ZMIZ2: variants seen among roughly 807,000 people sequenced by gnomAD.
The protein encoded by ZMIZ2 is zinc finger MIZ domain-containing protein 2.
ZMIZ2 carries 26 observed loss-of-function variants against 93.9 expected under a neutral mutation model. The observed-to-expected ratio is 0.28, with a 90% CI of 0.20 to 0.38. The LOEUF (loss-of-function observed/expected upper bound fraction) is 0.38, where lower values mean the gene tolerates loss of function less well. Among genes scored for constraint, ZMIZ2 ranks in the 10% least tolerant of loss-of-function variants. The pLI is 1.00. For missense variants in ZMIZ2, 1,023 were observed against 1,235.0 expected (o/e 0.83, Z 2.57); for synonymous variants, 485 against 516.4 (o/e 0.94, Z 0.82).
chr7:44,763,237 T>A lies in ZMIZ2; in HGVS notation c.1703-19T>A, dbSNP rs1218240483. On this transcript the variant is annotated intron_variant, in intron 12 of 18. Coordinates refer to ENST00000309315, the MANE Select transcript of ZMIZ2 (RefSeq NM_031449.4). This position sits in a 1 kb window ranked among gnomAD's most constrained non-coding sequence, Gnocchi z 5.6. Reference sequence around the variant, plus strand: ...TCTTGGGGACCCTTTACTCAAGTCCTTTACCTTGTTGATGTCAGTAAAGCG... The same window carrying A: ...TCTTGGGGACCCTTTACTCAAGTCCATTACCTTGTTGATGTCAGTAAAGCG... The A allele has an allele frequency of 1.2e-6, 2 of 1,612,968 alleles. No homozygotes were observed. Among genetic ancestry groups the A allele is most frequent in the Non-Finnish European group, 1.7e-6 (2 of 1,179,386 alleles).
Position 44,763,214 on chromosome 7 carries a change from T to G in ZMIZ2, c.1703-42T>G. ...GCATCCCCATTCACACCTCCCCATC[T>G]TGGGGACCCTTTACTCAAGTCCTTT... On this transcript the variant is annotated intron_variant, in intron 12 of 18. Transcript: ENST00000309315. This position sits in a 1 kb window ranked among gnomAD's most constrained non-coding sequence, Gnocchi z 5.6. 6.2e-7 allele frequency: 1 copy of G among 1,601,396 alleles called. No individual in the cohort carries two copies. Among genetic ancestry groups the G allele is most frequent in the Non-Finnish European group, 8.5e-7 (1 of 1,170,918 alleles).
At position 44,762,026 on chromosome 7, in the gene ZMIZ2, G is replaced by A. The variant is rs961616755; in HGVS notation, c.1596+121G>A. 13 of 1,283,322 alleles carry A rather than the reference G, an allele frequency of 1.0e-5. No individual in the cohort carries two copies. The African/African-American group carries it at 2.1e-4, about 20-fold the overall frequency. 79.5% of individuals were successfully genotyped at this position (1,283,322 alleles called of 1,614,324 possible). On this transcript the variant is annotated intron_variant, in intron 11 of 18. Coordinates refer to ENST00000309315, the MANE Select transcript of ZMIZ2 (RefSeq NM_031449.4). ...CGGGGCCTGGCCCAGCGGCGCAGTG[G>A]GAGCGGAGCCAGGACATGGGCGGGC...
intron 11 of ZMIZ2, 152 bp downstream of exon 11, chr7:44,762,057 T>C: frequency 9.7e-7 from 1 of 1,028,118 alleles, no homozygotes; most frequent in Non-Finnish European, 1.3e-6. Flanking sequence ...CGGGCCGGCC[T>C]GCAGCACCAT....
intron 18 of ZMIZ2, among the ~76,000 whole-genome samples, chr7:44,767,189 G>A (rs1392340477): frequency 6.6e-6 from 1 of 152,190 alleles, no homozygotes; most frequent in African/African-American, 2.4e-5. Flanking sequence ...GGGCATCACG[G>A]TGGGGATCCC....
At chr7:44,754,433 C>T (rs1790420587) in intron 1 of ZMIZ2, among the ~76,000 whole-genome samples, 1 of 152,150 alleles carries the variant, frequency 6.6e-6, no homozygotes, top group South Asian at 2.1e-4. Context: ...ACTGCCCTCT[C>T]CCTCTTCCCT....
intron 8 of ZMIZ2, 88 bp from the exon 9 acceptor site, chr7:44,760,337 T>C (rs556787273): frequency 3.3e-5 from 52 of 1,576,486 alleles, no homozygotes; most frequent in Non-Finnish European, 4.3e-5. Flanking sequence ...ACCTCTGTTA[T>C]CATGGTTCCC....
At position 44,768,142 on chromosome 7, in the gene ZMIZ2, C is replaced by T. The variant is rs1383862682; in HGVS notation, c.*519C>T. 1 of 162,980 alleles carries T rather than the reference C, an allele frequency of 6.1e-6. No homozygotes were observed. Among genetic ancestry groups the T allele is most frequent in the Non-Finnish European group, 1.3e-5 (1 of 74,752 alleles). The allele number at this position is 162,980 out of a possible 1,614,324, so 10.1% of individuals were successfully genotyped here. On this transcript the variant is annotated 3_prime_UTR_variant, in exon 19 of 19. Transcript: ENST00000309315. ...TTGGAACCTCGCTGAATGGCAGCCTCTTGGGGGCCTGGAGCTCTGGCAGCC... is the reference window on the plus strand; with the variant it reads ...TTGGAACCTCGCTGAATGGCAGCCTTTTGGGGGCCTGGAGCTCTGGCAGCC...
intron 7 of ZMIZ2, 198 bp downstream of exon 7, chr7:44,759,658 G>A (rs1447934255): frequency 1.5e-5 from 7 of 480,146 alleles, no homozygotes; most frequent in Non-Finnish European, 2.5e-5. Context: ...ACCAGTGCAG[G>A]AGCAGCTCCT....
chr7:44,761,404 C>T lies in ZMIZ2; in HGVS notation c.1241-45C>T, dbSNP rs1474394757. ...CCCTCCTTGAGTGACACAAGACGCT[C>T]TGGCTGGGGCAACCCAGCTCACAGC... On this transcript the variant is annotated intron_variant, in intron 9 of 18. Coordinates refer to ENST00000309315, the MANE Select transcript of ZMIZ2 (RefSeq NM_031449.4). The surrounding 1 kb of genome is among the most constrained non-coding windows in gnomAD (Gnocchi z 5.8). The T allele has an allele frequency of 1.3e-6, 2 of 1,599,360 alleles. No homozygotes were observed. Among genetic ancestry groups the T allele is most frequent in the Admixed American group, 1.7e-5 (1 of 59,256 alleles).
Position 44,768,990 on chromosome 7 carries a change from C to T in ZMIZ2, c.*1367C>T, listed in dbSNP as rs940570863. 11 of 152,670 alleles carry T rather than the reference C, an allele frequency of 7.2e-5. No individual in the cohort carries two copies. Among genetic ancestry groups the T allele is most frequent in the Admixed American group, 5.9e-4 (9 of 15,288 alleles). The allele number at this position is 152,670 out of a possible 1,614,324, so 9.5% of individuals were successfully genotyped here. ...GGAGAGACATTTGCCACTATGTCAC[C>T]TTATCTGGGCTTGCCCTGGGGCACT... On this transcript the variant is annotated 3_prime_UTR_variant, in exon 19 of 19. Coordinates refer to ENST00000309315, the MANE Select transcript of ZMIZ2 (RefSeq NM_031449.4).
At chr7:44,750,028 G>C (rs1171773438) in intron 1 of ZMIZ2, 4 of 152,152 alleles carry the variant, frequency 2.6e-5, no homozygotes, top group Non-Finnish European at 5.9e-5. Context: ...TTACAAGCTG[G>C]AAGTGTAAAT....
At chr7:44,760,292 G>T in intron 8 of ZMIZ2, 64 bp downstream of exon 8, 1 of 1,571,468 alleles carries the variant, frequency 6.4e-7, no homozygotes, top group South Asian at 1.2e-5. Flanking sequence ...GAGAGAGGGC[G>T]ACCGGGCAGG....
intron 1 of ZMIZ2, among the ~76,000 whole-genome samples, 192 bp downstream of exon 1, chr7:44,749,183 TCTGCCGCCCAC>T (rs1386421400): frequency 6.6e-6 from 1 of 152,032 alleles, no homozygotes; most frequent in East Asian, 1.9e-4. Context: ...GGCTAGAGGC[TCTGCCGCCCAC>T]CTGCCGGCAC....
At position 44,763,625 on chromosome 7, in the gene ZMIZ2, CTT is replaced by C; in HGVS notation, c.1860+217_1860+218del. On this transcript the variant is annotated intron_variant, in intron 13 of 18. Coordinates refer to ENST00000309315, the MANE Select transcript of ZMIZ2 (RefSeq NM_031449.4). The surrounding 1 kb of genome is among the most constrained non-coding windows in gnomAD (Gnocchi z 5.6). ...CCAAATATAATTGTCATTTTACTAACTTTTTTACTGCCTGCTTCATTCATGGG... is the reference window on the plus strand; with the variant it reads ...CCAAATATAATTGTCATTTTACTAACTTTTACTGCCTGCTTCATTCATGGG... 1 of 628,020 alleles carries C rather than the reference CTT, an allele frequency of 1.6e-6. No individual in the cohort carries two copies. Among genetic ancestry groups the C allele is most frequent in the Non-Finnish European group, 2.6e-6 (1 of 379,478 alleles). The allele number at this position is 628,020 out of a possible 1,614,324, so 38.9% of individuals were successfully genotyped here. A position where few individuals can be genotyped will look rare whatever the true frequency, so the allele number is the denominator to read the frequency against.
At chr7:44,756,685 T>C (rs570488081) in intron 3 of ZMIZ2, 146 bp downstream of exon 3, 1 of 873,996 alleles carries the variant, frequency 1.1e-6, no homozygotes, top group East Asian at 2.6e-5. Context: ...GGATGGGGCC[T>C]CCTGAGTCCC....
chr7:44,760,615 A>G, intron 9 of ZMIZ2, 22 bp downstream of exon 9: 3 of 1,612,820 alleles, frequency 1.9e-6, no homozygotes, highest in Non-Finnish European at 2.5e-6. Flanking sequence ...CACTCTTGGG[A>G]CAGCGGGGTG....
In ZMIZ2 at chr7:44,763,427, G is replaced by A; in HGVS notation, c.1860+14G>A. Reference sequence around the variant, plus strand: ...CGCCACATACAGGTAGGTGGTTACTGCAGAGTCTTGCCGGAATTTGCTGCT... The same window carrying A: ...CGCCACATACAGGTAGGTGGTTACTACAGAGTCTTGCCGGAATTTGCTGCT... On this transcript the variant is annotated intron_variant, in intron 13 of 18. Coordinates refer to ENST00000309315, the MANE Select transcript of ZMIZ2 (RefSeq NM_031449.4). This position sits in a 1 kb window ranked among gnomAD's most constrained non-coding sequence, Gnocchi z 5.6. The A allele has an allele frequency of 6.2e-7, 1 of 1,613,094 alleles. No individual in the cohort carries two copies. The highest frequency in any genetic ancestry group is 8.5e-7 in the Non-Finnish European group (1 of 1,179,318).
In ZMIZ2 at chr7:44,761,979, G is replaced by T. The variant is rs1445911781; in HGVS notation, c.1596+74G>T. On this transcript the variant is annotated intron_variant, in intron 11 of 18. Transcript: ENST00000309315. This position sits in a 1 kb window ranked among gnomAD's most constrained non-coding sequence, Gnocchi z 5.8. Reference sequence around the variant, plus strand: ...TGGTGGGGCCTGGCCCAGCGGTGCCGTGGGGTGGGGCGGGGTGTGGGCGGG... The same window carrying T: ...TGGTGGGGCCTGGCCCAGCGGTGCCTTGGGGTGGGGCGGGGTGTGGGCGGG... 3 of 1,404,102 alleles carry T rather than the reference G, an allele frequency of 2.1e-6. No individual in the cohort carries two copies. Among genetic ancestry groups the T allele is most frequent in the Non-Finnish European group, 2.8e-6 (3 of 1,067,352 alleles). 87.0% of individuals were successfully genotyped at this position (1,404,102 alleles called of 1,614,324 possible). A position where few individuals can be genotyped will look rare whatever the true frequency, so the allele number is the denominator to read the frequency against.
intron 6 of ZMIZ2, 21 bp downstream of exon 6, chr7:44,758,129 G>C (rs775719535): frequency 6.6e-7 from 1 of 1,512,950 alleles, no homozygotes; most frequent in South Asian, 1.3e-5. Flanking sequence ...AGGTCACCTA[G>C]TTTGGGGCCT....
Sources: allele counts gnomAD v4.1 joint callset (sites outside exome capture counted in the v4.1 genomes callset), GRCh38; gene constraint gnomAD v4.1.1; non-coding constraint Gnocchi (gnomAD v3.1); transcripts MANE v1.5; gene names NCBI Gene and HGNC (gene_info 2026-07-23, HGNC 2026-07-21).